Variants in GPALPP1 observed in about 807,000 individuals in gnomAD.
GPALPP1 encodes the protein GPALPP motifs-containing protein 1.
GPALPP1 carries 30 observed loss-of-function variants against 38.9 expected under a neutral mutation model. The observed-to-expected ratio is 0.77, with a 90% CI of 0.58 to 1.05. The LOEUF (loss-of-function observed/expected upper bound fraction) is 1.05. Ranked by LOEUF, GPALPP1 falls within the 50% of genes least tolerant of loss-of-function variation. GPALPP1 has a pLI of 0.00. For missense variants in GPALPP1, 384 were observed against 408.8 expected (o/e 0.94, Z 0.52); for synonymous variants, 120 against 139.2 (o/e 0.86, Z 0.97).
At chr13:45,024,386 A>G (rs1453298729) in intron 7 of GPALPP1, among the ~76,000 whole-genome samples, 1 of 149,590 alleles carries the variant, frequency 6.7e-6, no homozygotes, top group African/African-American at 2.5e-5. Context: ...TGCAGTCTCC[A>G]CCTCCTGGGT....
At chr13:45,031,777 A>T (rs528178878), downstream of GPALPP1, 12 of 152,274 alleles carry the variant, frequency 7.9e-5, no homozygotes, top group South Asian at 2.5e-3. Flanking sequence ...AGGTGTCTTT[A>T]TTTCATCCCC....
rs1875163609 is a variant in GPALPP1 at position 45,019,071 on chromosome 13, A to ATG, written c.706-1258_706-1257insGT. 1.9e-5 allele frequency among the ~76,000 whole-genome samples: 2 copies of ATG among 104,638 alleles called. 1 individual carries two copies. The highest frequency in any genetic ancestry group is 4.0e-5 in the Non-Finnish European group (2 of 50,320). 68.6% of individuals were successfully genotyped at this position (104,638 alleles called of 152,430 possible). A position where few individuals can be genotyped will look rare whatever the true frequency, so the allele number is the denominator to read the frequency against. On this transcript the variant is annotated intron_variant, in intron 6 of 7. Transcript: ENST00000379151. ...TAAATATAAATATATACATATAAAT[A>ATG]TATACATATAAATATATGTATATAT...
At chr13:44,995,393 A>G (rs1873193004) in intron 1 of GPALPP1, among the ~76,000 whole-genome samples, 1 of 151,794 alleles carries the variant, frequency 6.6e-6, no homozygotes, top group Non-Finnish European at 1.5e-5. Context: ...ATTCCCACCC[A>G]TGGGGTGAAG....
In GPALPP1 at chr13:45,018,819, C is replaced by T. The variant is rs377113805; in HGVS notation, c.706-1511C>T. 2.7e-5 allele frequency among the ~76,000 whole-genome samples: 4 copies of T among 150,586 alleles called. No individual in the cohort carries two copies. The East Asian group carries it at 7.8e-4, about 29-fold the overall frequency. On this transcript the variant is annotated intron_variant, in intron 6 of 7. Coordinates refer to ENST00000379151, the MANE Select transcript of GPALPP1 (RefSeq NM_018559.5). ...TTGAATTAAAATGTGTTAGACTAGG[C>T]ACTTCATGTGTGTGTGCTAATATAA...
chr13:45,031,572 T>G (rs1445367395), downstream of GPALPP1: 1 of 152,196 alleles, frequency 6.6e-6, no homozygotes, highest in Non-Finnish European at 1.5e-5. Flanking sequence ...GAGAGAAACC[T>G]CTGCTTTCCG....
chr13:45,020,272 T>C, intron 6 of GPALPP1, 58 bp from the exon 7 acceptor site: 5 of 718,384 alleles, frequency 7.0e-6, no homozygotes, highest in Non-Finnish European at 1.2e-5. Context: ...TAATATTTAT[T>C]TTTTGTTTTA....
chr13:45,003,443 C>G (rs946289212), intron 1 of GPALPP1, among the ~76,000 whole-genome samples: 2 of 152,136 alleles, frequency 1.3e-5, no homozygotes, highest in African/African-American at 4.8e-5. Flanking sequence ...AGGCCCTCCT[C>G]CAGGCCAACT....
intron 7 of GPALPP1, among the ~76,000 whole-genome samples, chr13:45,021,922 G>A (rs1875458408): frequency 1.3e-5 from 2 of 151,942 alleles, no homozygotes; most frequent in African/African-American, 4.8e-5. Context: ...TTTCCTCCTG[G>A]GTATTTACCT....
At chr13:44,993,225 A>G (rs1872968150) in intron 1 of GPALPP1, among the ~76,000 whole-genome samples, 1 of 152,194 alleles carries the variant, frequency 6.6e-6, no homozygotes, top group Non-Finnish European at 1.5e-5. Flanking sequence ...TATGTATGCT[A>G]TTGTGAATAA....
chr13:44,991,388 G>A (rs953357272), intron 1 of GPALPP1, among the ~76,000 whole-genome samples: 60 of 151,488 alleles, frequency 4.0e-4, no homozygotes, highest in Admixed American at 9.8e-4. Flanking sequence ...CGGAGGTTGC[G>A]GTGAGCCGAG....
At chr13:45,026,994 T>C (rs1875877054) in intron 7 of GPALPP1, among the ~76,000 whole-genome samples, 1 of 152,162 alleles carries the variant, frequency 6.6e-6, no homozygotes, top group African/African-American at 2.4e-5. Flanking sequence ...AAAGACTACA[T>C]GAAGAAGTAG....
downstream of GPALPP1, among the ~76,000 whole-genome samples, chr13:45,032,501 G>A (rs1320799591): frequency 5.9e-5 from 9 of 151,750 alleles, no homozygotes; most frequent in Non-Finnish European, 1.2e-4. Context: ...CACCTCCCGA[G>A]TTCAAGCGAT....
chr13:44,999,334 G>A (rs931475772), intron 1 of GPALPP1, among the ~76,000 whole-genome samples: 1 of 152,132 alleles, frequency 6.6e-6, no homozygotes, highest in Non-Finnish European at 1.5e-5. Context: ...TAAGGAACGC[G>A]TAACTCCTGT....
At position 44,989,613 on chromosome 13, in the gene GPALPP1, C is replaced by A; in HGVS notation, c.-42C>A. 1.9e-6 allele frequency: 3 copies of A among 1,547,306 alleles called. No homozygotes were observed. Among genetic ancestry groups the A allele is most frequent in the South Asian group, 2.2e-5 (2 of 89,530 alleles). On this transcript the variant is annotated 5_prime_UTR_variant, in exon 1 of 8. Coordinates refer to ENST00000379151, the MANE Select transcript of GPALPP1 (RefSeq NM_018559.5). ...ATTCTTTTTGGATAGGGTTGACGTTCGTGGATAGACTCATATCTGTGACCA... is the reference window on the plus strand; with the variant it reads ...ATTCTTTTTGGATAGGGTTGACGTTAGTGGATAGACTCATATCTGTGACCA...
chr13:44,994,883 C>A (rs1353485539), intron 1 of GPALPP1, among the ~76,000 whole-genome samples: 1 of 150,604 alleles, frequency 6.6e-6, no homozygotes, highest in African/African-American at 2.5e-5. Context: ...GACGGAGTTT[C>A]GCTCTTGTTG....
chr13:45,021,419 C>T (rs1011294560), intron 7 of GPALPP1, among the ~76,000 whole-genome samples: 9 of 152,048 alleles, frequency 5.9e-5, no homozygotes, highest in African/African-American at 2.2e-4. Context: ...TCAACAAAAT[C>T]GAAGGAATTA....
At chr13:45,022,977 G>A (rs1875531649) in intron 7 of GPALPP1, among the ~76,000 whole-genome samples, 1 of 152,184 alleles carries the variant, frequency 6.6e-6, no homozygotes, top group Non-Finnish European at 1.5e-5. Context: ...GGAGTTTGAG[G>A]TTACAGTGAG....
chr13:45,033,188 T>C (rs1159001954), downstream of GPALPP1: 1 of 152,214 alleles, frequency 6.6e-6, no homozygotes, highest in Non-Finnish European at 1.5e-5. Flanking sequence ...AATATTAAAC[T>C]ACTAATAGGA....
downstream of GPALPP1, chr13:45,031,890 C>T (rs890367241): frequency 6.6e-6 from 1 of 152,086 alleles, no homozygotes; most frequent in African/African-American, 2.4e-5. Flanking sequence ...CATTTCTTGG[C>T]CAAGTGTCAT....
Sources: allele counts gnomAD v4.1 joint callset (sites outside exome capture counted in the v4.1 genomes callset), GRCh38; gene constraint gnomAD v4.1.1; transcripts MANE v1.5; gene names NCBI Gene and HGNC (gene_info 2026-07-23, HGNC 2026-07-21).